Variants in TMEM132D observed in about 807,000 individuals in gnomAD.
TMEM132D encodes transmembrane protein 132D.
In TMEM132D, 21 loss-of-function variants were observed where a neutral mutation model predicts 62.3. That is an observed-to-expected ratio of 0.34 (90% CI 0.24 to 0.49). TMEM132D has a LOEUF of 0.49. Ranked by LOEUF, TMEM132D falls within the 20% of genes least tolerant of loss-of-function variation. The pLI is 0.99. For missense variants in TMEM132D, 1,346 were observed against 1,402.8 expected (o/e 0.96, Z 0.65); for synonymous variants, 621 against 575.6 (o/e 1.08, Z -1.13).
chr12:129,246,127 A>G (rs1190419086), intron 4 of TMEM132D, among the ~76,000 whole-genome samples: 1 of 151,884 alleles, frequency 6.6e-6, no homozygotes, highest in African/African-American at 2.4e-5. Flanking sequence ...CTGCACATCC[A>G]CCGAAAGTTA....
At chr12:129,300,406 T>C (rs1881683449) in intron 4 of TMEM132D, among the ~76,000 whole-genome samples, 1 of 152,248 alleles carries the variant, frequency 6.6e-6, no homozygotes, top group Admixed American at 6.5e-5. Flanking sequence ...AATGTGACGA[T>C]GAATATCACT....
chr12:129,325,128 C>CTGAATTGG (rs1170266364), intron 4 of TMEM132D, among the ~76,000 whole-genome samples: 1 of 152,054 alleles, frequency 6.6e-6, no homozygotes, highest in Non-Finnish European at 1.5e-5. Flanking sequence ...CTGAATTGGC[C>CTGAATTGG]CCATCTGATT....
Position 129,367,928 on chromosome 12 carries a change from C to T in TMEM132D, c.1116-30111G>A, listed in dbSNP as rs537558464. The stretch of plus-strand genomic sequence containing the variant: ...AGCCTTCTGAGTAGCTGGAATCACA[C>T]GCACCTGCCACCACGCCTGGCTAAT... On this transcript the variant is annotated intron_variant, in intron 3 of 8. Transcript: ENST00000422113. 4.6e-5 allele frequency among the ~76,000 whole-genome samples: 7 copies of T among 151,906 alleles called. No individual in the cohort carries two copies. In the East Asian group the frequency reaches 9.7e-4, roughly 21 times the overall value.
intron 4 of TMEM132D, among the ~76,000 whole-genome samples, chr12:129,275,184 G>A (rs1293523375): frequency 6.6e-6 from 1 of 152,004 alleles, no homozygotes; most frequent in African/African-American, 2.4e-5. Flanking sequence ...GGAGACTGAG[G>A]CAGGAGGATC....
At chr12:129,898,766 A>AT (rs1875233312) in intron 1 of TMEM132D, among the ~76,000 whole-genome samples, 1 of 152,232 alleles carries the variant, frequency 6.6e-6, no homozygotes, top group East Asian at 1.9e-4. Context: ...AATAGTAACC[A>AT]TATCAACCTG....
chr12:129,492,612 C>T (rs1261947047), intron 3 of TMEM132D, among the ~76,000 whole-genome samples: 1 of 152,114 alleles, frequency 6.6e-6, no homozygotes, highest in Non-Finnish European at 1.5e-5. Flanking sequence ...CTCAAAAGAA[C>T]AGAGAAAATA....
intron 2 of TMEM132D, among the ~76,000 whole-genome samples, chr12:129,537,930 C>T (rs1876448612): frequency 2.5e-5 from 1 of 39,804 alleles, no homozygotes; most frequent in African/African-American, 1.2e-4. Flanking sequence ...AATACACTAA[C>T]GTTGAAAACT....
At chr12:129,385,459 A>G (rs956887022) in intron 3 of TMEM132D, among the ~76,000 whole-genome samples, 2 of 152,120 alleles carry the variant, frequency 1.3e-5, no homozygotes, top group African/African-American at 4.8e-5. Context: ...CACTTAGAGG[A>G]AAAGACTTTT....
chr12:129,159,128 C>T (rs1355390651), intron 5 of TMEM132D, among the ~76,000 whole-genome samples: 1 of 152,146 alleles, frequency 6.6e-6, no homozygotes, highest in Non-Finnish European at 1.5e-5. Context: ...TCAAATGTAG[C>T]TGAGACTTCA....
intron 3 of TMEM132D, among the ~76,000 whole-genome samples, chr12:129,440,330 G>A (rs1297972468): frequency 6.6e-6 from 1 of 152,160 alleles, no homozygotes; most frequent in Admixed American, 6.6e-5. Context: ...GTGAGTGTCT[G>A]AACCAAAAGG....
intron 3 of TMEM132D, among the ~76,000 whole-genome samples, chr12:129,409,032 C>T (rs1397684559): frequency 6.6e-6 from 1 of 151,904 alleles, no homozygotes; most frequent in South Asian, 2.1e-4. Flanking sequence ...TCCAGGGTTC[C>T]AGCGATTCTT....
At chr12:129,099,232 T>C (rs1308298964) in intron 5 of TMEM132D, among the ~76,000 whole-genome samples, 1 of 152,208 alleles carries the variant, frequency 6.6e-6, no homozygotes, top group Admixed American at 6.5e-5. Flanking sequence ...AAGAGGGGTA[T>C]ATAACTGTCT....
At chr12:129,447,836 C>T (rs944961584) in intron 3 of TMEM132D, among the ~76,000 whole-genome samples, 5 of 152,198 alleles carry the variant, frequency 3.3e-5, no homozygotes, top group African/African-American at 1.2e-4. Flanking sequence ...AACTCCACCA[C>T]TAAGGAGCTG....
intron 1 of TMEM132D, among the ~76,000 whole-genome samples, chr12:129,811,593 G>C (rs1872184232): frequency 6.6e-6 from 1 of 151,776 alleles, no homozygotes; most frequent in Admixed American, 6.6e-5. Flanking sequence ...ACCTCTGTGA[G>C]TGTGCGACCT....
intron 3 of TMEM132D, among the ~76,000 whole-genome samples, chr12:129,492,220 T>C (rs765300892): frequency 1.3e-5 from 2 of 152,188 alleles, no homozygotes; most frequent in Non-Finnish European, 2.9e-5. Flanking sequence ...CAATTACAAA[T>C]AGTTTTGGTT....
intron 6 of TMEM132D, among the ~76,000 whole-genome samples, chr12:129,082,815 G>A (rs960328316): frequency 1.3e-5 from 2 of 152,154 alleles, no homozygotes; most frequent in African/African-American, 4.8e-5. Context: ...CTGCAGCCTC[G>A]AACTGCTGGA....
At chr12:129,219,445 T>C (rs1879295373) in intron 4 of TMEM132D, among the ~76,000 whole-genome samples, 2 of 152,116 alleles carry the variant, frequency 1.3e-5, no homozygotes, top group African/African-American at 2.4e-5. Context: ...TGTCAGGGAA[T>C]GACAAGTCTT....
intron 2 of TMEM132D, among the ~76,000 whole-genome samples, chr12:129,646,246 C>G (rs928102887): frequency 3.3e-5 from 5 of 152,170 alleles, no homozygotes; most frequent in African/African-American, 1.2e-4. Context: ...GTACATTTCG[C>G]ACTGTCTCTT....
At chr12:129,173,345 T>C (rs1395034043) in intron 5 of TMEM132D, among the ~76,000 whole-genome samples, 1 of 152,210 alleles carries the variant, frequency 6.6e-6, no homozygotes, top group East Asian at 1.9e-4. Flanking sequence ...ATGAAAGATA[T>C]GATACGTTGT....
Sources: gnomAD v4.1 joint callset for allele counts (sites outside exome capture counted in the v4.1 genomes callset) on GRCh38, gnomAD v4.1.1 for gene constraint, MANE v1.5 for transcripts, NCBI Gene and HGNC (gene_info 2026-07-23, HGNC 2026-07-21) for gene names.